Variants in SLC36A1 observed in about 807,000 individuals in gnomAD.
SLC36A1 encodes the protein proton-coupled amino acid transporter 1.
Under a neutral mutation model 47.5 loss-of-function variants are expected in SLC36A1, and 30 were observed. The ratio of observed to expected loss-of-function variants is 0.63; its 90% CI spans 0.47 to 0.86. The LOEUF (loss-of-function observed/expected upper bound fraction) is 0.86, where lower values mean the gene tolerates loss of function less well. SLC36A1 is among the 40% of genes least tolerant of loss of function. The pLI, the probability that SLC36A1 is intolerant of heterozygous loss-of-function variation, is 0.00. For missense variants in SLC36A1, 517 were observed against 606.0 expected, an observed-to-expected ratio of 0.85 and a Z score of 1.54; for synonymous variants, 255 against 249.7, an observed-to-expected ratio of 1.02 and a Z score of -0.20.
At chr5:151,423,628 T>C in the SLC36A1 span, among the ~76,000 whole-genome samples, 1 of 151,812 alleles carries the variant, frequency 6.6e-6, no homozygotes, top group Non-Finnish European at 1.5e-5. Context: ...TGGCCAGGGG[T>C]TGTGGGAGAG....
chr5:151,491,628 C>G lies in SLC36A1; in HGVS notation c.*3374C>G, dbSNP rs1760127591. ...TCAATTTGTGTCTGTTTACAGCTCT[C>G]TCTCCTCACTGCTCACAGCAAGGGG... On this transcript the variant is annotated 3_prime_UTR_variant, in exon 11 of 11. Coordinates refer to ENST00000243389, the MANE Select transcript of SLC36A1 (RefSeq NM_078483.4). The G allele has an allele frequency of 6.6e-6, 1 of 152,626 alleles. No individual in the cohort carries two copies. Among genetic ancestry groups the G allele is most frequent in the Non-Finnish European group, 1.5e-5 (1 of 68,036 alleles). The allele number at this position is 152,626 out of a possible 1,614,324, so 9.5% of individuals were successfully genotyped here.
the SLC36A1 span, among the ~76,000 whole-genome samples, chr5:151,540,208 T>C: frequency 2.1e-3 from 313 of 152,300 alleles, 1 homozygote; most frequent in African/African-American, 7.3e-3. Context: ...TTGAACAGCT[T>C]GGTATATCCC....
At chr5:151,365,592 G>A in the SLC36A1 span, among the ~76,000 whole-genome samples, 1 of 152,328 alleles carries the variant, frequency 6.6e-6, no homozygotes, top group African/African-American at 2.4e-5. Context: ...GGGAAACTGA[G>A]GCTCAGAGAG....
the SLC36A1 span, among the ~76,000 whole-genome samples, chr5:151,399,050 ATGAG>A: frequency 8.1e-5 from 11 of 135,612 alleles, no homozygotes; most frequent in African/African-American, 2.0e-4. Flanking sequence ...GTATATATAT[ATGAG>A]TGTGTGTGTA....
chr5:151,471,668 CAG>C (rs1350360653), intron 7 of SLC36A1, among the ~76,000 whole-genome samples: 30 of 152,338 alleles, frequency 2.0e-4, no homozygotes, highest in Admixed American at 2.0e-3. Context: ...AGGGATCTAA[CAG>C]ATTTCTTAGC....
At chr5:151,465,926 A>G (rs1756292048) in intron 5 of SLC36A1, among the ~76,000 whole-genome samples, 1 of 144,864 alleles carries the variant, frequency 6.9e-6, no homozygotes, top group South Asian at 2.4e-4. Flanking sequence ...AATTGATACT[A>G]TCAAGGGCTA....
intron 7 of SLC36A1, among the ~76,000 whole-genome samples, chr5:151,472,596 C>T (rs1757472712): frequency 6.6e-6 from 1 of 152,152 alleles, no homozygotes; most frequent in African/African-American, 2.4e-5. Flanking sequence ...GCTCCTCCTC[C>T]CCACATGTTC....
At chr5:151,389,765 G>T in the SLC36A1 span, among the ~76,000 whole-genome samples, 74,995 of 151,368 alleles carry the variant, frequency 0.5, 20,563 homozygotes, top group African/African-American at 0.75. Flanking sequence ...TGCATAGTAT[G>T]CCATGGTGTA....
At chr5:151,548,785 T>C in the SLC36A1 span, among the ~76,000 whole-genome samples, 1 of 152,196 alleles carries the variant, frequency 6.6e-6, no homozygotes, top group Non-Finnish European at 1.5e-5. Flanking sequence ...CTGGCCAACA[T>C]ACATTTTCTC....
chr5:151,458,674 A>G, intron 1 of SLC36A1, 114 bp from the exon 2 acceptor site: 1 of 1,120,368 alleles, frequency 8.9e-7, no homozygotes, highest in Non-Finnish European at 1.3e-6. Flanking sequence ...TCCATAGTGG[A>G]GCTGTCACAG....
chr5:151,527,000 C>T, the SLC36A1 span, among the ~76,000 whole-genome samples: 1 of 152,248 alleles, frequency 6.6e-6, no homozygotes, highest in East Asian at 1.9e-4. Flanking sequence ...GTACTACCTA[C>T]TTCATATGGC....
chr5:151,550,798 A>T, the SLC36A1 span: 1 of 1,613,872 alleles, frequency 6.2e-7, no homozygotes, highest in Non-Finnish European at 8.5e-7. Flanking sequence ...GTCCTGGGGA[A>T]CTCTGACTTC....
the SLC36A1 span, among the ~76,000 whole-genome samples, chr5:151,393,235 T>G: frequency 2.0e-5 from 3 of 152,120 alleles, no homozygotes; most frequent in Non-Finnish European, 2.9e-5. Flanking sequence ...CCCTGCCTTT[T>G]TTTGTTTTCC....
intron 1 of SLC36A1, among the ~76,000 whole-genome samples, chr5:151,439,832 TA>T (rs893241442): frequency 2.6e-5 from 4 of 152,224 alleles, no homozygotes; most frequent in African/African-American, 9.6e-5. Context: ...ATTTACTTTA[TA>T]GGAGACACCC....
At chr5:151,366,055 T>G in the SLC36A1 span, among the ~76,000 whole-genome samples, 1 of 152,198 alleles carries the variant, frequency 6.6e-6, no homozygotes, top group Non-Finnish European at 1.5e-5. Flanking sequence ...CACCAACATT[T>G]GTAGAGCACC....
the SLC36A1 span, among the ~76,000 whole-genome samples, chr5:151,514,516 G>A: frequency 2.6e-5 from 4 of 152,226 alleles, no homozygotes; most frequent in Non-Finnish European, 5.9e-5. Flanking sequence ...ACATGGAGCA[G>A]AACATGGCTG....
the SLC36A1 span, chr5:151,512,037 C>A: frequency 1.2e-6 from 1 of 807,430 alleles, no homozygotes; most frequent in East Asian, 2.7e-5. This position sits in a 1 kb window ranked among gnomAD's most constrained non-coding sequence, Gnocchi z 4.1. Flanking sequence ...ACCTGTTACT[C>A]ACAAGTTAGG....
At chr5:151,473,593 T>G (rs190411128) in intron 7 of SLC36A1, 80 bp from the exon 8 acceptor site, 1 of 889,616 alleles carries the variant, frequency 1.1e-6, no homozygotes, top group East Asian at 2.4e-5. Context: ...AGGTATGACC[T>G]CTCCGATTCA....
At chr5:151,354,780 T>C in the SLC36A1 span, among the ~76,000 whole-genome samples, 1 of 152,190 alleles carries the variant, frequency 6.6e-6, no homozygotes, top group African/African-American at 2.4e-5. Flanking sequence ...CACATGCACA[T>C]ACCTGAACCA....
Sources: allele counts gnomAD v4.1 joint callset (sites outside exome capture counted in the v4.1 genomes callset), GRCh38; gene constraint gnomAD v4.1.1; non-coding constraint Gnocchi (gnomAD v3.1); transcripts MANE v1.5; gene names NCBI Gene and HGNC (gene_info 2026-07-23, HGNC 2026-07-21).